The following UBE2U variants were observed in gnomAD, a reference collection of about 807,000 sequenced individuals.
The protein encoded by UBE2U is ubiquitin-conjugating enzyme E2 U.
In UBE2U, 39 loss-of-function variants were observed where a neutral mutation model predicts 41.2. The observed-to-expected ratio is 0.95, with a 90% CI of 0.73 to 1.24. The LOEUF (loss-of-function observed/expected upper bound fraction) is 1.24. Ranked by LOEUF, UBE2U falls within the 50% of genes most tolerant of loss-of-function variation. The probability of loss-of-function intolerance (pLI) is 0.00; values close to 1 mark genes in which losing one functional copy is unlikely to be tolerated. For synonymous variants in UBE2U, 107 were observed against 117.8 expected (o/e 0.91, Z 0.60); for missense variants, 336 against 363.1 (o/e 0.93, Z 0.61).
intron 6 of UBE2U, among the ~76,000 whole-genome samples, chr1:64,223,325 A>G (rs1652620921): frequency 6.6e-6 from 1 of 152,150 alleles, no homozygotes; most frequent in South Asian, 2.1e-4. Flanking sequence ...TGAAAGGGAG[A>G]CAGTGCAAGA....
intron 9 of UBE2U, 23 bp from the exon 10 acceptor site, chr1:64,267,001 A>AT (rs1645264414): frequency 1.3e-6 from 2 of 1,532,124 alleles, no homozygotes; most frequent in East Asian, 2.5e-5. Flanking sequence ...TTAAATTTCT[A>AT]TTTTTTATAA....
intron 6 of UBE2U, among the ~76,000 whole-genome samples, chr1:64,221,677 C>G (rs971645493): frequency 6.6e-6 from 1 of 152,216 alleles, no homozygotes; most frequent in Non-Finnish European, 1.5e-5. Context: ...GCATTTCCAT[C>G]AGCTTTATCT....
At chr1:64,239,042 CAAAAAG>C (rs1557729092) in intron 7 of UBE2U, among the ~76,000 whole-genome samples, 10 of 109,148 alleles carry the variant, frequency 9.2e-5, no homozygotes, top group Non-Finnish European at 1.4e-4. Context: ...ACCCCCATCT[CAAAAAG>C]AAGAAGAAGA....
At chr1:64,239,086 G>GAAGAGGAA (rs1644735040) in intron 7 of UBE2U, among the ~76,000 whole-genome samples, 1 of 44,142 alleles carries the variant, frequency 2.3e-5, no homozygotes, top group African/African-American at 9.2e-5. Flanking sequence ...AAGAGGAAGA[G>GAAGAGGAA]GAAGAGGAAG....
At chr1:64,206,035 G>A (rs1267305317) in intron 2 of UBE2U, among the ~76,000 whole-genome samples, 2 of 152,068 alleles carry the variant, frequency 1.3e-5, no homozygotes, top group East Asian at 1.9e-4. Flanking sequence ...TCTGCCTTCC[G>A]TGAGATCAGG....
chr1:64,231,267 A>AT lies in UBE2U; in HGVS notation c.507-1286dup, dbSNP rs1644559872. Among the ~76,000 whole-genome samples, 4 of 151,992 alleles carry AT rather than the reference A, an allele frequency of 2.6e-5. No individual in the cohort carries two copies. The South Asian group carries it at 6.2e-4, about 24-fold the overall frequency. ...AGACGATTGTGCCTGAAGATGGTGT[A>AT]TTTTTTTTCACGAGACAGTGTGTTG... On this transcript the variant is annotated intron_variant, in intron 6 of 9. Transcript: ENST00000371077.
intron 7 of UBE2U, among the ~76,000 whole-genome samples, chr1:64,239,312 G>T (rs539226821): frequency 6.6e-6 from 1 of 151,668 alleles, no homozygotes; most frequent in Non-Finnish European, 1.5e-5. Context: ...ATGAGCATAT[G>T]ATCTGGCTTA....
chr1:64,209,046 T>G (rs914765166), intron 3 of UBE2U, among the ~76,000 whole-genome samples: 7 of 152,232 alleles, frequency 4.6e-5, no homozygotes, highest in African/African-American at 1.2e-4. Context: ...GTAGAATTAG[T>G]AGGCAGGGGA....
chr1:64,259,131 T>C (rs1020494629), intron 8 of UBE2U, among the ~76,000 whole-genome samples: 3 of 152,230 alleles, frequency 2.0e-5, no homozygotes, highest in Admixed American at 6.5e-5. Flanking sequence ...TTTTGAGAAG[T>C]GTCTGTTCAT....
rs1557729519 is a variant in UBE2U at position 64,239,084 on chromosome 1, G to GAAGAAGAAGAAGAAGA, written c.596-2567_596-2566insAGAAGAAGAAGAAGAA. The stretch of plus-strand genomic sequence containing the variant: ...AGAAGAAGAGGAAGAGGAAGAGGAA[G>GAAGAAGAAGAAGAAGA]AGGAAGAGGAAGAAGAAGAAGAAGA... On this transcript the variant is annotated intron_variant, in intron 7 of 9. Coordinates refer to ENST00000371077, the MANE Select transcript of UBE2U (RefSeq NM_001366232.2). Among the ~76,000 whole-genome samples the GAAGAAGAAGAAGAAGA allele has an allele frequency of 1.5e-4, 9 of 58,862 alleles. 1 individual carries two copies. The South Asian group carries it at 5.0e-3, about 33-fold the overall frequency. The allele number at this position is 58,862 out of a possible 152,430, so 38.6% of individuals were successfully genotyped here.
chr1:64,205,791 T>A (rs12407030), intron 2 of UBE2U, 71 bp downstream of exon 2: 43,341 of 1,279,288 alleles, frequency 0.034, 1,213 homozygotes, highest in Admixed American at 0.13. Flanking sequence ...CCTCTTTTTA[T>A]GTAGGATAAG....
At position 64,239,114 on chromosome 1, in the gene UBE2U, GAA is replaced by G. The variant is rs879765696; in HGVS notation, c.596-2537_596-2536del. On this transcript the variant is annotated intron_variant, in intron 7 of 9. Coordinates refer to ENST00000371077, the MANE Select transcript of UBE2U (RefSeq NM_001366232.2). ...AGAGGAAGAAGAAGAAGAAGAAGAA[GAA>G]GAAGAAGAAGAAGAAGAAGAAGAAG... Among the ~76,000 whole-genome samples, 17 of 17,448 alleles carry G rather than the reference GAA, an allele frequency of 9.7e-4. 1 individual carries two copies. Among genetic ancestry groups the G allele is most frequent in the East Asian group, 0.02 (1 of 50 alleles). The allele number at this position is 17,448 out of a possible 152,430, so 11.4% of individuals were successfully genotyped here.
intron 4 of UBE2U, among the ~76,000 whole-genome samples, chr1:64,212,568 C>T (rs1651725206): frequency 6.6e-6 from 1 of 152,092 alleles, no homozygotes; most frequent in African/African-American, 2.4e-5. Flanking sequence ...CGGAACTGTG[C>T]CTGGTCCAAG....
At chr1:64,236,086 T>A (rs1157238488) in intron 7 of UBE2U, among the ~76,000 whole-genome samples, 1 of 152,200 alleles carries the variant, frequency 6.6e-6, no homozygotes, top group Non-Finnish European at 1.5e-5. Context: ...ACTGGCTGTG[T>A]GACTTTGGTT....
rs537424781 is a variant in UBE2U at position 64,262,850 on chromosome 1, TG to T, written c.769+2157del. 1.7e-4 allele frequency among the ~76,000 whole-genome samples: 26 copies of T among 152,304 alleles called. No individual in the cohort carries two copies. The East Asian group carries it at 4.8e-3, about 28-fold the overall frequency. On this transcript the variant is annotated intron_variant, in intron 9 of 9. Transcript: ENST00000371077. ...CTTGGAGTCTGTCCGGCACACATGCTGTGTTATTACTCTCTTTACTGCCTGT... is the reference window on the plus strand; with the variant it reads ...CTTGGAGTCTGTCCGGCACACATGCTTGTTATTACTCTCTTTACTGCCTGT...
intron 8 of UBE2U, among the ~76,000 whole-genome samples, chr1:64,245,229 A>C (rs1181746507): frequency 6.6e-6 from 1 of 152,138 alleles, no homozygotes; most frequent in Non-Finnish European, 1.5e-5. Flanking sequence ...TTTTGTATTC[A>C]TGAAAGTGCT....
chr1:64,255,620 A>G (rs1248635718), intron 8 of UBE2U, among the ~76,000 whole-genome samples: 1 of 152,176 alleles, frequency 6.6e-6, no homozygotes, highest in Non-Finnish European at 1.5e-5. Flanking sequence ...GGCTCAACAT[A>G]CACAAATCAA....
intron 6 of UBE2U, among the ~76,000 whole-genome samples, chr1:64,222,477 A>C (rs1462472702): frequency 3.9e-5 from 6 of 152,298 alleles, no homozygotes; most frequent in African/African-American, 7.2e-5. Flanking sequence ...CCAAGGATAA[A>C]TGATGCTAGA....
At chr1:64,231,850 A>G (rs1353327131) in intron 6 of UBE2U, among the ~76,000 whole-genome samples, 13 of 152,224 alleles carry the variant, frequency 8.5e-5, no homozygotes. Context: ...GTGATTTCAC[A>G]TGTCTGAAAA....
Sources: gnomAD v4.1 joint callset for allele counts (sites outside exome capture counted in the v4.1 genomes callset) on GRCh38, gnomAD v4.1.1 for gene constraint, MANE v1.5 for transcripts, NCBI Gene and HGNC (gene_info 2026-07-23, HGNC 2026-07-21) for gene names.